Variants in ENOX1 observed in about 807,000 individuals in gnomAD.
ENOX1 encodes the protein ecto-NOX disulfide-thiol exchanger 1, also known as candidate growth-related and time keeping constitutive hydroquinone (NADH) oxidase.
In ENOX1, 42 loss-of-function variants were observed where a neutral mutation model predicts 82.5. That is an observed-to-expected ratio of 0.51 (90% CI 0.40 to 0.66). ENOX1 has a LOEUF of 0.66. Ranked by LOEUF, ENOX1 falls within the 30% of genes least tolerant of loss-of-function variation. ENOX1 has a pLI of 0.00. For synonymous variants in ENOX1, 271 were observed against 282.2 expected (o/e 0.96, Z 0.40); for missense variants, 608 against 811.6 (o/e 0.75, Z 3.05).
At chr13:43,559,674 A>T (rs1307510255) in intron 2 of ENOX1, among the ~76,000 whole-genome samples, 1 of 152,246 alleles carries the variant, frequency 6.6e-6, no homozygotes, top group Non-Finnish European at 1.5e-5. Context: ...GTTGCAAAAG[A>T]TAAGACAGTA....
intron 6 of ENOX1, among the ~76,000 whole-genome samples, chr13:43,360,635 T>G (rs1002514447): frequency 1.3e-5 from 2 of 151,410 alleles, no homozygotes; most frequent in African/African-American, 4.9e-5. Context: ...ATATTTTACC[T>G]AGTTTATATG....
chr13:43,238,538 G>A (rs1167587946), intron 14 of ENOX1, among the ~76,000 whole-genome samples: 3 of 152,132 alleles, frequency 2.0e-5, no homozygotes, highest in African/African-American at 7.2e-5. Context: ...AGGACAAATA[G>A]GTCCCACAGG....
At chr13:43,363,924 T>G (rs2050684282) in intron 5 of ENOX1, among the ~76,000 whole-genome samples, 1 of 152,188 alleles carries the variant, frequency 6.6e-6, no homozygotes, top group Non-Finnish European at 1.5e-5. Flanking sequence ...GACATCAGTA[T>G]GAGGAGACTA....
intron 2 of ENOX1, among the ~76,000 whole-genome samples, chr13:43,595,738 T>C (rs142128022): frequency 2.6e-4 from 40 of 152,338 alleles, no homozygotes; most frequent in African/African-American, 8.2e-4. Flanking sequence ...AAAATATCTA[T>C]ATACAATTTC....
chr13:43,448,459 T>G (rs920949864), intron 3 of ENOX1, among the ~76,000 whole-genome samples: 1 of 152,240 alleles, frequency 6.6e-6, no homozygotes, highest in Admixed American at 6.5e-5. Context: ...ATTTTTTGTT[T>G]GCATCTTTGC....
At chr13:43,247,963 G>T (rs2043229791) in intron 14 of ENOX1, among the ~76,000 whole-genome samples, 1 of 130,090 alleles carries the variant, frequency 7.7e-6, no homozygotes, top group Non-Finnish European at 1.6e-5. Flanking sequence ...TCGGCTCACT[G>T]CAAGCTCCGC....
intron 8 of ENOX1, among the ~76,000 whole-genome samples, chr13:43,350,830 A>G (rs1397306646): frequency 6.6e-6 from 1 of 152,170 alleles, no homozygotes; most frequent in East Asian, 1.9e-4. Flanking sequence ...CCAAGCCGGG[A>G]GCACTGAATA....
chr13:43,265,424 T>A lies in ENOX1; in HGVS notation c.1585A>T (p.Asn529Tyr). ...TTTGAATCCTCATGGCTGTGGCCAT[T>A]GGTCTCGACCAATTCCTTGGTACCT... is the stretch of plus-strand genomic sequence containing the variant. The part of the protein sequence containing the change: ...LKGTKELVET[N>Y]GHSHEDSNEI... The change falls in exon 14 of 17, where the codon AAT (asparagine) becomes TAT (tyrosine). Residue 529 changes from asparagine (N) to tyrosine (Y), a missense_variant. Coordinates refer to ENST00000690772, the MANE Select transcript of ENOX1 (RefSeq NM_001347969.2). The A allele has an allele frequency of 6.2e-7, 1 of 1,612,388 alleles. No individual in the cohort carries two copies. Among genetic ancestry groups the A allele is most frequent in the Non-Finnish European group, 8.5e-7 (1 of 1,179,202 alleles).
intron 12 of ENOX1, among the ~76,000 whole-genome samples, chr13:43,289,602 A>T (rs1045159701): frequency 3.3e-5 from 5 of 152,220 alleles, no homozygotes; most frequent in African/African-American, 1.2e-4. Flanking sequence ...TTTAAATGCA[A>T]GACCTCAAAC....
intron 2 of ENOX1, among the ~76,000 whole-genome samples, chr13:43,511,061 T>TTC (rs2077349693): frequency 6.6e-6 from 1 of 152,172 alleles, no homozygotes; most frequent in Non-Finnish European, 1.5e-5. Context: ...CTTCATGAAC[T>TTC]ATTCTTCTAC....
chr13:43,607,567 CCA>C (rs1158917016), intron 2 of ENOX1, among the ~76,000 whole-genome samples: 1 of 152,068 alleles, frequency 6.6e-6, no homozygotes, highest in East Asian at 1.9e-4. Flanking sequence ...TTAAAAATCC[CCA>C]AATATATGAG....
At chr13:43,632,011 T>C (rs546082891) in intron 2 of ENOX1, among the ~76,000 whole-genome samples, 2 of 152,310 alleles carry the variant, frequency 1.3e-5, no homozygotes, top group East Asian at 3.9e-4. Flanking sequence ...ACACCCAATA[T>C]TCATCAGCTG....
At chr13:43,634,101 G>T (rs766582841) in intron 2 of ENOX1, among the ~76,000 whole-genome samples, 1 of 152,184 alleles carries the variant, frequency 6.6e-6, no homozygotes, top group East Asian at 1.9e-4. Context: ...CCGGCCAACA[G>T]ATAATATGTG....
At chr13:43,752,283 T>C (rs572403550) in intron 1 of ENOX1, among the ~76,000 whole-genome samples, 2 of 152,318 alleles carry the variant, frequency 1.3e-5, no homozygotes, top group South Asian at 4.1e-4. Flanking sequence ...GTATTTTATA[T>C]ATGATTTGTC....
intron 3 of ENOX1, among the ~76,000 whole-genome samples, chr13:43,477,139 ATATG>A (rs945394091): frequency 4.6e-5 from 7 of 150,774 alleles, no homozygotes; most frequent in Non-Finnish European, 8.9e-5. Flanking sequence ...TTGCACATAT[ATATG>A]TGTGTATACA....
At chr13:43,775,194 G>A (rs1951845941) in intron 1 of ENOX1, among the ~76,000 whole-genome samples, 1 of 151,970 alleles carries the variant, frequency 6.6e-6, no homozygotes, top group Non-Finnish European at 1.5e-5. Flanking sequence ...TTTCACCCAG[G>A]CTGGAGTATA....
intron 1 of ENOX1, among the ~76,000 whole-genome samples, chr13:43,774,617 G>A (rs1177461059): frequency 1.3e-5 from 2 of 152,118 alleles, no homozygotes; most frequent in Admixed American, 6.5e-5. Flanking sequence ...AGTTCACTCA[G>A]AGCCACCTAA....
chr13:43,302,247 C>A (rs2046622438), intron 11 of ENOX1, among the ~76,000 whole-genome samples: 1 of 152,134 alleles, frequency 6.6e-6, no homozygotes, highest in Admixed American at 6.5e-5. Context: ...TAGAATTAGA[C>A]ACCTTAAATG....
rs559905950 is a variant in ENOX1, at chr13:43,595,538, C to T, written c.-219+71941G>A. Among the ~76,000 whole-genome samples, 87 of 152,240 alleles carry T rather than the reference C, an allele frequency of 5.7e-4. 1 individual carries two copies. Among genetic ancestry groups the T allele is most frequent in the Non-Finnish European group, 1.2e-3 (81 of 68,004 alleles). On this transcript the variant is annotated intron_variant, in intron 2 of 16. Transcript: ENST00000690772. ...ATTGAACATTAAAATTTTTCTTTCT[C>T]AAGAAGAGTTAACTGCTCTTTTAAC...
Sources: gnomAD v4.1 joint callset for allele counts (sites outside exome capture counted in the v4.1 genomes callset) on GRCh38, gnomAD v4.1.1 for gene constraint, MANE v1.5 for transcripts, NCBI Gene and HGNC (gene_info 2026-07-23, HGNC 2026-07-21) for gene names.